The following PCDH11X variants were observed in gnomAD, a reference collection of about 807,000 sequenced individuals.
PCDH11X encodes protocadherin-11 X-linked.
In PCDH11X, 18 loss-of-function variants were observed where a neutral mutation model predicts 53.3. That is an observed-to-expected ratio of 0.34 (90% CI 0.23 to 0.50). The LOEUF (loss-of-function observed/expected upper bound fraction) is 0.50, where lower values mean the gene tolerates loss of function less well. Among genes scored for constraint, PCDH11X ranks in the 20% least tolerant of loss-of-function variants. The pLI is 0.98. For synonymous variants in PCDH11X, 279 were observed against 393.3 expected (o/e 0.71, Z 3.44); for missense variants, 570 against 1,032.4 (o/e 0.55, Z 6.14).
intron 9 of PCDH11X, among the ~76,000 whole-genome samples, chrX:92,400,177 A>G (rs1272407468): frequency 9.0e-6 from 1 of 111,217 alleles, no homozygotes; most frequent in Non-Finnish European, 1.9e-5. Context: ...CATTTCTAGG[A>G]AACTGATCAG....
chrX:92,294,519 C>T lies in PCDH11X; in HGVS notation c.3144+31376C>T, dbSNP rs148742599. Among the ~76,000 whole-genome samples, 168 of 112,166 alleles carry T rather than the reference C, an allele frequency of 1.5e-3. 1 individual carries two copies. The highest frequency in any genetic ancestry group is 5.1e-3 in the African/African-American group (158 of 30,884). On this transcript the variant is annotated intron_variant, in intron 8 of 10. Transcript: ENST00000682573. The stretch of plus-strand genomic sequence containing the variant: ...CTAGCAATATTATTGGCTTTTATTC[C>T]AATCTATCTTAATCTCCTTGAAATA...
intron 8 of PCDH11X, among the ~76,000 whole-genome samples, chrX:92,359,386 A>G (rs5984938): frequency 0.02 from 2,188 of 108,507 alleles, 55 homozygotes; most frequent in African/African-American, 0.068. Context: ...TCTCACAACA[A>G]TTAAGGGTAA....
At chrX:91,838,599 A>G (rs1937388351) in intron 5 of PCDH11X, among the ~76,000 whole-genome samples, 1 of 110,597 alleles carries the variant, frequency 9.0e-6, no homozygotes, top group Non-Finnish European at 1.9e-5. Flanking sequence ...AGAAAAACAG[A>G]GAAAAGAAGC....
intron 8 of PCDH11X, among the ~76,000 whole-genome samples, chrX:92,329,860 G>T: frequency 1.8e-5 from 2 of 111,151 alleles, no homozygotes; most frequent in African/African-American, 3.3e-5. Flanking sequence ...AAGTAAGGAT[G>T]GTTAATGGGT....
intron 6 of PCDH11X, among the ~76,000 whole-genome samples, chrX:92,158,379 G>A (rs1419007030): frequency 9.2e-6 from 1 of 108,867 alleles, no homozygotes; most frequent in Non-Finnish European, 1.9e-5. Context: ...GTGTGGTGGT[G>A]CATGCCTGTA....
chrX:91,975,849 T>C (rs748309758), intron 6 of PCDH11X, among the ~76,000 whole-genome samples: 96 of 110,462 alleles, frequency 8.7e-4, no homozygotes, highest in African/African-American at 3.0e-3. Context: ...TTAAATGCTA[T>C]CAATAATAGA....
chrX:92,350,369 GA>G (rs1053544297), intron 8 of PCDH11X, among the ~76,000 whole-genome samples: 14 of 110,732 alleles, frequency 1.3e-4, no homozygotes, highest in African/African-American at 4.6e-4. Context: ...ATGTCAGAGG[GA>G]AGATCTGGGG....
At chrX:91,991,792 A>G (rs1031947800) in intron 6 of PCDH11X, among the ~76,000 whole-genome samples, 7 of 107,368 alleles carry the variant, frequency 6.5e-5, no homozygotes, top group African/African-American at 2.4e-4. Context: ...GACACTTTTT[A>G]TTAAATCATT....
chrX:92,262,550 G>A (rs2067739739), intron 7 of PCDH11X, among the ~76,000 whole-genome samples: 1 of 111,170 alleles, frequency 9.0e-6, no homozygotes, highest in African/African-American at 3.3e-5. Flanking sequence ...ATATTAAAAA[G>A]GATTTAGTTG....
At chrX:92,023,233 G>A (rs1338649879) in intron 6 of PCDH11X, among the ~76,000 whole-genome samples, 4 of 108,232 alleles carry the variant, frequency 3.7e-5, no homozygotes, top group Non-Finnish European at 7.6e-5. Context: ...CCAGGAGCTA[G>A]TTTTTCAAAA....
chrX:92,026,200 T>G (rs1344319646), intron 6 of PCDH11X, among the ~76,000 whole-genome samples: 2 of 110,069 alleles, frequency 1.8e-5, no homozygotes, highest in Non-Finnish European at 3.8e-5. Context: ...AACTTAAAAG[T>G]TAAGAAAAAA....
chrX:92,232,827 C>T (rs971786748), intron 7 of PCDH11X, among the ~76,000 whole-genome samples: 1 of 111,489 alleles, frequency 9.0e-6, no homozygotes, highest in Non-Finnish European at 1.9e-5. Flanking sequence ...GCCATTCTCC[C>T]GCCTCAGCAT....
chrX:91,931,995 A>G (rs1052252795), intron 6 of PCDH11X, among the ~76,000 whole-genome samples: 2 of 110,296 alleles, frequency 1.8e-5, no homozygotes, highest in Non-Finnish European at 3.8e-5. Context: ...CCCGCCCTCA[A>G]GAGGCCTCAG....
intron 7 of PCDH11X, among the ~76,000 whole-genome samples, chrX:92,232,877 G>A (rs1195178140): frequency 2.7e-5 from 3 of 111,075 alleles, no homozygotes; most frequent in Non-Finnish European, 3.8e-5. Context: ...CACCACGCCC[G>A]GCTAATTTTT....
At chrX:92,368,001 C>T (rs1383428070) in intron 8 of PCDH11X, among the ~76,000 whole-genome samples, 1 of 102,292 alleles carries the variant, frequency 9.8e-6, no homozygotes, top group Non-Finnish European at 2.0e-5. Context: ...AATTATCTTA[C>T]TGGTGTTCTC....
intron 10 of PCDH11X, among the ~76,000 whole-genome samples, chrX:92,573,603 A>G (rs2148776358): frequency 9.0e-6 from 1 of 110,780 alleles, no homozygotes; most frequent in African/African-American, 3.3e-5. Flanking sequence ...AAAATCTTTT[A>G]AATAATTTTA....
At chrX:92,135,880 A>G (rs1231864314) in intron 6 of PCDH11X, among the ~76,000 whole-genome samples, 1 of 110,514 alleles carries the variant, frequency 9.0e-6, no homozygotes, top group Non-Finnish European at 1.9e-5. Context: ...TGAGCTGCCA[A>G]TCTTTGATAA....
chrX:92,203,839 C>A lies in PCDH11X; in HGVS notation c.3114+2384C>A, dbSNP rs753027508. 6.3e-5 allele frequency among the ~76,000 whole-genome samples: 7 copies of A among 111,962 alleles called. No individual in the cohort carries two copies. The South Asian group carries it at 2.6e-3, about 42-fold the overall frequency. Reference sequence around the variant, plus strand: ...TCACAAGATCAGATAAGCCAGTTTACCAATCCGGGTGGTACCAGTTGATCC... The same window carrying A: ...TCACAAGATCAGATAAGCCAGTTTAACAATCCGGGTGGTACCAGTTGATCC... On this transcript the variant is annotated intron_variant, in intron 7 of 10. Coordinates refer to ENST00000682573, the MANE Select transcript of PCDH11X (RefSeq NM_032968.5).
At chrX:92,231,300 AAAGT>A (rs1353928944) in intron 7 of PCDH11X, among the ~76,000 whole-genome samples, 1 of 111,756 alleles carries the variant, frequency 8.9e-6, no homozygotes, top group African/African-American at 3.3e-5. Context: ...GCTAATTTAA[AAAGT>A]AAGCTAGTGA....
Sources: allele counts gnomAD v4.1 joint callset (sites outside exome capture counted in the v4.1 genomes callset), GRCh38; gene constraint gnomAD v4.1.1; transcripts MANE v1.5; gene names NCBI Gene and HGNC (gene_info 2026-07-23, HGNC 2026-07-21).